The following KIAA1217 variants were observed in gnomAD, a reference collection of about 807,000 sequenced individuals.
The protein encoded by KIAA1217 is sickle tail protein homolog.
KIAA1217 carries 88 observed loss-of-function variants against 163.9 expected under a neutral mutation model. The observed-to-expected ratio is 0.54, with a 90% CI of 0.45 to 0.64. KIAA1217 has a LOEUF of 0.64. Ranked by LOEUF, KIAA1217 falls within the 30% of genes least tolerant of loss-of-function variation. KIAA1217 has a pLI of 0.00. For missense variants in KIAA1217, 2,372 were observed against 2,475.0 expected (o/e 0.96, Z 0.88); for synonymous variants, 903 against 923.1 (o/e 0.98, Z 0.39).
intron 2 of KIAA1217, among the ~76,000 whole-genome samples, chr10:24,157,054 G>A (rs1018297900): frequency 2.6e-5 from 4 of 152,168 alleles, no homozygotes; most frequent in Non-Finnish European, 5.9e-5. Context: ...GGATCATATA[G>A]GAAGTACGCG....
chr10:23,822,096 A>G (rs1837648877), intron 1 of KIAA1217, among the ~76,000 whole-genome samples: 1 of 152,150 alleles, frequency 6.6e-6, no homozygotes, highest in Admixed American at 6.5e-5. Flanking sequence ...CTCCTTACTC[A>G]GTTCCCACTC....
At chr10:23,898,708 C>G (rs1327601651) in intron 1 of KIAA1217, among the ~76,000 whole-genome samples, 1 of 151,934 alleles carries the variant, frequency 6.6e-6, no homozygotes. Context: ...TTTTACTGTA[C>G]AAAACTGAAA....
chr10:23,973,055 A>C (rs1845387442), intron 1 of KIAA1217, among the ~76,000 whole-genome samples: 2 of 152,194 alleles, frequency 1.3e-5, no homozygotes, highest in African/African-American at 4.8e-5. Flanking sequence ...TGGAACTTAA[A>C]GTAAAATTTA....
chr10:24,431,818 G>A (rs1294900646), intron 3 of KIAA1217, among the ~76,000 whole-genome samples: 4 of 152,192 alleles, frequency 2.6e-5, no homozygotes, highest in Non-Finnish European at 5.9e-5. Context: ...GAGGCAGGGT[G>A]CACTGGGGCC....
Position 24,531,892 on chromosome 10 carries a change from C to T in KIAA1217, c.3145C>T (p.Pro1049Ser). Reference protein sequence around the residue: ...KLGGKSPPPPPPPPRRSYLPG... With the variant: ...KLGGKSPPPPSPPPRRSYLPG... ...GGGGGGAAAGTCGCCCCCTCCTCCT[C>T]CGCCACCTCCTCGTCGAAGCTACCT... Residue 1049 changes from proline to serine, a missense_variant, in exon 15 of 21, where the codon CCG (proline) becomes TCG (serine). Transcript: ENST00000376454. The T allele has an allele frequency of 6.2e-7, 1 of 1,610,386 alleles. No individual in the cohort carries two copies.
At chr10:24,104,626 T>C (rs976374989) in intron 2 of KIAA1217, among the ~76,000 whole-genome samples, 1 of 152,224 alleles carries the variant, frequency 6.6e-6, no homozygotes, top group African/African-American at 2.4e-5. Flanking sequence ...ACCTACAGCA[T>C]GTACCATGCC....
At chr10:24,073,030 G>A (rs1490598171) in intron 2 of KIAA1217, among the ~76,000 whole-genome samples, 1 of 150,104 alleles carries the variant, frequency 6.7e-6, no homozygotes, top group African/African-American at 2.5e-5. Context: ...CTGCACTCCA[G>A]CCTGGGAAAC....
intron 1 of KIAA1217, among the ~76,000 whole-genome samples, chr10:23,746,270 G>A (rs1301421074): frequency 6.6e-6 from 1 of 152,122 alleles, no homozygotes; most frequent in Non-Finnish European, 1.5e-5. Context: ...TGCACACACT[G>A]GCTCTGCTTA....
chr10:23,951,154 G>C (rs1844318424), intron 1 of KIAA1217, among the ~76,000 whole-genome samples: 1 of 152,124 alleles, frequency 6.6e-6, no homozygotes, highest in Non-Finnish European at 1.5e-5. Flanking sequence ...CCCATTCTGG[G>C]GAGGCAGAGT....
At chr10:24,416,518 G>C (rs1382321870) in intron 3 of KIAA1217, among the ~76,000 whole-genome samples, 3 of 152,198 alleles carry the variant, frequency 2.0e-5, no homozygotes, top group African/African-American at 7.2e-5. Context: ...CCAGAGGCTT[G>C]TATATGCCCA....
At chr10:24,236,464 A>G (rs1012728373) in intron 2 of KIAA1217, among the ~76,000 whole-genome samples, 5 of 152,054 alleles carry the variant, frequency 3.3e-5, no homozygotes, top group Non-Finnish European at 7.4e-5. Context: ...GGCTGGTCTC[A>G]AACTCCTGGC....
Position 23,854,609 on chromosome 10 carries a change from T to C in KIAA1217, c.-320-152616T>C, listed in dbSNP as rs1839547752. Among the ~76,000 whole-genome samples, 5 of 152,158 alleles carry C rather than the reference T, an allele frequency of 3.3e-5. No homozygotes were observed. The South Asian group carries it at 1.0e-3, about 32-fold the overall frequency. On this transcript the variant is annotated intron_variant, in intron 1 of 18. Coordinates refer to the KIAA1217 transcript ENST00000376462. ...TCGTTGATCTGTCTAATTTTGACAG[T>C]GGGGTGTTAAAGTCTCCCATTATTA...
intron 2 of KIAA1217, among the ~76,000 whole-genome samples, chr10:24,146,688 G>GA (rs573867211): frequency 6.2e-5 from 9 of 146,122 alleles, no homozygotes; most frequent in South Asian, 2.2e-4. Flanking sequence ...GTCTCAAAAA[G>GA]AAAAAAAAAA....
At chr10:24,521,964 C>T (rs185702049) in intron 12 of KIAA1217, 35 bp downstream of exon 12, 61 of 1,588,544 alleles carry the variant, frequency 3.8e-5, no homozygotes, top group Middle Eastern at 2.0e-4. Context: ...GGGTGGCCTG[C>T]GGAGGGGTGC....
intron 3 of KIAA1217, among the ~76,000 whole-genome samples, chr10:24,401,979 G>A (rs909737304): frequency 6.6e-6 from 1 of 152,084 alleles, no homozygotes; most frequent in African/African-American, 2.4e-5. Flanking sequence ...AAATACTTAG[G>A]TATACATAAA....
At chr10:24,278,551 C>A (rs1362481020) in intron 2 of KIAA1217, among the ~76,000 whole-genome samples, 1 of 152,148 alleles carries the variant, frequency 6.6e-6, no homozygotes, top group African/African-American at 2.4e-5. Context: ...AGTGGCAAGT[C>A]CCTTGTATTG....
At chr10:24,103,476 G>C (rs765104206) in intron 2 of KIAA1217, among the ~76,000 whole-genome samples, 4 of 152,102 alleles carry the variant, frequency 2.6e-5, no homozygotes, top group Non-Finnish European at 5.9e-5. Context: ...CAATAACTGG[G>C]AGAATATATT....
intron 2 of KIAA1217, among the ~76,000 whole-genome samples, chr10:24,316,545 C>A (rs1939470151): frequency 6.6e-6 from 1 of 152,076 alleles, no homozygotes; most frequent in African/African-American, 2.4e-5. Flanking sequence ...CATGTCCACC[C>A]CTAGTGGACT....
chr10:24,524,610 G>C lies in KIAA1217; in HGVS notation c.2744G>C (p.Ser915Thr). 1 of 1,614,000 alleles carries C rather than the reference G, an allele frequency of 6.2e-7. No individual in the cohort carries two copies. Among genetic ancestry groups the C allele is most frequent in the Non-Finnish European group, 8.5e-7 (1 of 1,180,034 alleles). ...NPAQNLPHVA[S>T]SPAVPQEATS... ...GCTCAGAACTTGCCTCACGTGGCCA[G>C]CTCCCCAGCCGTCCCCCAGGAAGCA... The change falls in exon 13 of 21, where the codon AGC (serine) becomes ACC (threonine). Residue 915 changes from serine to threonine, a missense_variant. By Grantham distance (58) the Ser-to-Thr change is moderately conservative (BLOSUM62 1). This residue lies in a region of KIAA1217 where 1,431 missense variants were observed against 1,470.3 expected (regional missense o/e 0.97). Transcript: ENST00000376454.
Sources: allele counts gnomAD v4.1 joint callset (sites outside exome capture counted in the v4.1 genomes callset), GRCh38; gene constraint gnomAD v4.1.1; regional missense constraint gnomAD v4.1.1; transcripts MANE v1.5; gene names NCBI Gene and HGNC (gene_info 2026-07-23, HGNC 2026-07-21).